Variants in SLC9A9 observed in about 807,000 individuals in gnomAD.
SLC9A9 encodes the protein solute carrier family 9 member A9.
In SLC9A9, 62 loss-of-function variants were observed where a neutral mutation model predicts 77.8. That is an observed-to-expected ratio of 0.80 (90% CI 0.65 to 0.98). The LOEUF (loss-of-function observed/expected upper bound fraction) is 0.98, where lower values mean the gene tolerates loss of function less well. SLC9A9 is among the 50% of genes least tolerant of loss of function. The pLI is 0.00. For missense variants in SLC9A9, 775 were observed against 774.9 expected (o/e 1.00, Z 0.00); for synonymous variants, 320 against 283.5 (o/e 1.13, Z -1.29).
chr3:143,613,588 A>C (rs536405868), intron 6 of SLC9A9, among the ~76,000 whole-genome samples: 1 of 152,186 alleles, frequency 6.6e-6, no homozygotes, highest in African/African-American at 2.4e-5. Flanking sequence ...TAGAATTATA[A>C]CTTTCTTTTG....
intron 8 of SLC9A9, among the ~76,000 whole-genome samples, chr3:143,572,637 T>C (rs189266895): frequency 3.3e-5 from 5 of 152,320 alleles, no homozygotes; most frequent in South Asian, 2.1e-4. Flanking sequence ...AGAATTTGTA[T>C]TGAAATAATT....
chr3:143,621,406 C>T (rs2038210518), intron 6 of SLC9A9, among the ~76,000 whole-genome samples: 1 of 152,194 alleles, frequency 6.6e-6, no homozygotes, highest in Non-Finnish European at 1.5e-5. Flanking sequence ...GGGTACTCCT[C>T]TGAGACAAAA....
chr3:143,364,772 G>A (rs2032853913), intron 13 of SLC9A9, among the ~76,000 whole-genome samples: 2 of 152,194 alleles, frequency 1.3e-5, no homozygotes, highest in South Asian at 4.1e-4. Context: ...AATGGCTGAA[G>A]CAGAGACTCA....
At chr3:143,275,057 C>T (rs1938005597) in intron 14 of SLC9A9, among the ~76,000 whole-genome samples, 1 of 152,110 alleles carries the variant, frequency 6.6e-6, no homozygotes. Flanking sequence ...GAAGCTTGTT[C>T]TTCAGTAGAG....
intron 6 of SLC9A9, among the ~76,000 whole-genome samples, chr3:143,597,453 A>G (rs1350705554): frequency 2.6e-5 from 4 of 152,190 alleles, no homozygotes; most frequent in Non-Finnish European, 4.4e-5. Context: ...CCCTGAAGGC[A>G]AGGGAGAACT....
intron 14 of SLC9A9, among the ~76,000 whole-genome samples, chr3:143,326,405 C>T (rs1471589338): frequency 7.9e-5 from 12 of 152,162 alleles, no homozygotes; most frequent in Non-Finnish European, 4.4e-5. Context: ...GCCGGCCCTG[C>T]GTGATCTGTC....
intron 14 of SLC9A9, among the ~76,000 whole-genome samples, chr3:143,363,219 T>C (rs928238147): frequency 4.6e-5 from 7 of 152,228 alleles, no homozygotes; most frequent in African/African-American, 1.7e-4. Flanking sequence ...CAGGACTATA[T>C]GATTTTATCA....
At chr3:143,379,464 G>A (rs1331230777) in intron 13 of SLC9A9, among the ~76,000 whole-genome samples, 1 of 152,198 alleles carries the variant, frequency 6.6e-6, no homozygotes, top group Non-Finnish European at 1.5e-5. Context: ...AATGTGTGGA[G>A]AAAACCTCTT....
intron 6 of SLC9A9, among the ~76,000 whole-genome samples, chr3:143,606,625 G>T (rs1411172792): frequency 1.3e-5 from 2 of 149,948 alleles, no homozygotes; most frequent in African/African-American, 4.9e-5. Context: ...TACAATGAAA[G>T]AATAGGACTC....
At chr3:143,534,632 GA>G (rs2108624540) in intron 9 of SLC9A9, among the ~76,000 whole-genome samples, 1 of 152,266 alleles carries the variant, frequency 6.6e-6, no homozygotes, top group South Asian at 2.1e-4. Context: ...GGAAGTGTCA[GA>G]AGGGCAGAGC....
chr3:143,811,286 T>G (rs547980930), intron 2 of SLC9A9, among the ~76,000 whole-genome samples: 1 of 152,346 alleles, frequency 6.6e-6, no homozygotes, highest in South Asian at 2.1e-4. Context: ...AGCTCAAGTG[T>G]GTGCATTTCT....
rs115627473 is a variant in SLC9A9 at position 143,371,458 on chromosome 3, C to G, written c.1525-7895G>C. ...TTTATAGAATACTCCACACTCCATT[C>G]AATGTAATATTCATAAGACATAGCA... On this transcript the variant is annotated intron_variant, in intron 13 of 15. Transcript: ENST00000316549. Among the ~76,000 whole-genome samples, 1,320 of 152,172 alleles carry G rather than the reference C, an allele frequency of 8.7e-3. 20 individuals carry two copies. Among genetic ancestry groups the G allele is most frequent in the African/African-American group, 0.029 (1,216 of 41,514 alleles).
chr3:143,436,808 G>A (rs2034629932), intron 12 of SLC9A9, among the ~76,000 whole-genome samples: 1 of 152,198 alleles, frequency 6.6e-6, no homozygotes, highest in Admixed American at 6.5e-5. Context: ...GCTGGGATGA[G>A]TTGGCTGTGT....
chr3:143,834,000 C>G (rs1364432733), intron 1 of SLC9A9, among the ~76,000 whole-genome samples: 1 of 152,148 alleles, frequency 6.6e-6, no homozygotes, highest in African/African-American at 2.4e-5. Flanking sequence ...TAATGTAGAA[C>G]TATTGAAAGA....
rs190192623 is a variant in SLC9A9, at chr3:143,330,980, T to G, written c.1604+32504A>C. On this transcript the variant is annotated intron_variant, in intron 14 of 15. Coordinates refer to ENST00000316549, the MANE Select transcript of SLC9A9 (RefSeq NM_173653.4). ...GTAAATCACAAGGAATCGAGAAATC[T>G]TAACTCTTTGTGAATCTCAGCATTA... Among the ~76,000 whole-genome samples the G allele has an allele frequency of 2.1e-3, 318 of 152,362 alleles. 2 individuals carry two copies. Among genetic ancestry groups the G allele is most frequent in the African/African-American group, 7.0e-3 (290 of 41,588 alleles).
intron 12 of SLC9A9, among the ~76,000 whole-genome samples, chr3:143,440,731 C>T (rs1235158916): frequency 2.0e-5 from 3 of 152,202 alleles, no homozygotes; most frequent in Non-Finnish European, 2.9e-5. Context: ...AAATGATAAA[C>T]AGCTTGGTGG....
At chr3:143,355,465 C>T (rs929257546) in intron 14 of SLC9A9, among the ~76,000 whole-genome samples, 10 of 152,076 alleles carry the variant, frequency 6.6e-5, no homozygotes, top group East Asian at 5.8e-4. Flanking sequence ...TTCAGATGAG[C>T]GATGGAGACA....
At chr3:143,471,804 G>A (rs2035382462) in intron 11 of SLC9A9, among the ~76,000 whole-genome samples, 1 of 152,154 alleles carries the variant, frequency 6.6e-6, no homozygotes, top group African/African-American at 2.4e-5. Flanking sequence ...TCACCTTGGG[G>A]AATAAAGGAA....
chr3:143,603,816 A>G (rs779417656), intron 6 of SLC9A9, among the ~76,000 whole-genome samples: 75 of 152,254 alleles, frequency 4.9e-4, no homozygotes, highest in Non-Finnish European at 7.8e-4. Flanking sequence ...GCAGATCACC[A>G]GAAACAACCT....
Sources: allele counts gnomAD v4.1 joint callset (sites outside exome capture counted in the v4.1 genomes callset), GRCh38; gene constraint gnomAD v4.1.1; transcripts MANE v1.5; gene names NCBI Gene and HGNC (gene_info 2026-07-23, HGNC 2026-07-21).